Variants in DNAH14 observed in about 807,000 individuals in gnomAD.
DNAH14 encodes dynein axonemal heavy chain 14, also known as axonemal beta dynein heavy chain 14.
DNAH14 carries 478 observed loss-of-function variants against 520.9 expected under a neutral mutation model. That is an observed-to-expected ratio of 0.92 (90% CI 0.85 to 0.99). DNAH14 has a LOEUF of 0.99. Ranked by LOEUF, DNAH14 falls within the 50% of genes least tolerant of loss-of-function variation. The pLI is 0.00. For synonymous variants in DNAH14, 1,581 were observed against 1,757.2 expected (o/e 0.90, Z 2.51); for missense variants, 4,831 against 5,234.5 (o/e 0.92, Z 2.38).
chr1:225,070,180 GA>G (rs2071397254), intron 17 of DNAH14, among the ~76,000 whole-genome samples: 13 of 151,926 alleles, frequency 8.6e-5, no homozygotes, highest in Admixed American at 3.3e-4. Flanking sequence ...TTGGTCTTTT[GA>G]ATGGTTTTTC....
intron 15 of DNAH14, among the ~76,000 whole-genome samples, chr1:225,046,120 T>C (rs1259146431): frequency 6.6e-6 from 1 of 151,368 alleles, no homozygotes; most frequent in African/African-American, 2.4e-5. Flanking sequence ...TGTATATATG[T>C]ATATAAATAT....
At chr1:225,278,974 GT>G (rs997746720) in intron 54 of DNAH14, among the ~76,000 whole-genome samples, 37 of 151,940 alleles carry the variant, frequency 2.4e-4, no homozygotes, top group African/African-American at 8.7e-4. Context: ...TACTGTTGGG[GT>G]TTTTTTGTTT....
intron 37 of DNAH14, among the ~76,000 whole-genome samples, chr1:225,186,561 G>A (rs190414969): frequency 9.9e-4 from 150 of 151,858 alleles, no homozygotes; most frequent in Non-Finnish European, 1.6e-3. Flanking sequence ...AAAATAAAAT[G>A]TGAAGAAATA....
chr1:224,978,620 T>A (rs1456247622), intron 8 of DNAH14, among the ~76,000 whole-genome samples: 7 of 152,134 alleles, frequency 4.6e-5, no homozygotes, highest in African/African-American at 7.2e-5. Context: ...TTTCAAATAG[T>A]TAGAAGATTT....
At chr1:225,334,956 C>T (rs185497860) in intron 66 of DNAH14, among the ~76,000 whole-genome samples, 2 of 147,888 alleles carry the variant, frequency 1.4e-5, no homozygotes, top group East Asian at 2.0e-4. Context: ...GTAGAGACCT[C>T]AAGCAATCCT....
intron 23 of DNAH14, among the ~76,000 whole-genome samples, chr1:225,108,484 T>C (rs1164056721): frequency 6.6e-6 from 1 of 152,194 alleles, no homozygotes; most frequent in Admixed American, 6.5e-5. Flanking sequence ...CTGGTTGCCA[T>C]TTGTATGTCT....
chr1:225,393,041 G>C (rs1447557696), intron 84 of DNAH14, among the ~76,000 whole-genome samples: 1 of 152,198 alleles, frequency 6.6e-6, no homozygotes, highest in East Asian at 1.9e-4. Flanking sequence ...ATTCCAATTT[G>C]TTCTGGGAAT....
intron 66 of DNAH14, among the ~76,000 whole-genome samples, chr1:225,336,026 T>A (rs554231749): frequency 1.7e-5 from 2 of 118,262 alleles, no homozygotes; most frequent in African/African-American, 3.6e-5. Flanking sequence ...TATGCATATA[T>A]GTATATACAC....
intron 37 of DNAH14, among the ~76,000 whole-genome samples, chr1:225,186,610 C>T (rs149059705): frequency 2.8e-3 from 418 of 151,202 alleles, no homozygotes; most frequent in Middle Eastern, 0.027. Context: ...AATGTGAAAA[C>T]GTATTACTGT....
At chr1:225,360,371 T>C (rs985913596) in intron 74 of DNAH14, among the ~76,000 whole-genome samples, 1 of 152,204 alleles carries the variant, frequency 6.6e-6, no homozygotes, top group Admixed American at 6.5e-5. Flanking sequence ...AAAAATGTAG[T>C]ATTTTAGCTG....
rs527337408 is a variant in DNAH14, at chr1:225,391,469, C to G, written c.13331-822C>G. On this transcript the variant is annotated intron_variant, in intron 83 of 85. Coordinates refer to ENST00000682510, the MANE Select transcript of DNAH14 (RefSeq NM_001367479.1). The stretch of plus-strand genomic sequence containing the variant: ...CCTGGGCAACAGAGCAAGACCCTGT[C>G]TTATCAATAAATAAATAAAATAAGG... Among the ~76,000 whole-genome samples the G allele has an allele frequency of 2.6e-5, 4 of 152,222 alleles. No individual in the cohort carries two copies. The East Asian group carries it at 7.7e-4, about 29-fold the overall frequency.
intron 6 of DNAH14, 140 bp downstream of exon 6, chr1:224,967,723 C>T (rs1335581482): frequency 6.4e-7 from 1 of 1,568,498 alleles, no homozygotes; most frequent in Admixed American, 1.9e-5. Context: ...TAAGAATCTC[C>T]TTGGGAGCAT....
At chr1:225,136,687 A>G (rs1352460128) in intron 27 of DNAH14, among the ~76,000 whole-genome samples, 1 of 152,096 alleles carries the variant, frequency 6.6e-6, no homozygotes, top group Non-Finnish European at 1.5e-5. Flanking sequence ...CTGAATTTGA[A>G]TGTTGGCCTG....
chr1:225,088,865 G>A (rs544917621), intron 21 of DNAH14, among the ~76,000 whole-genome samples: 41 of 152,128 alleles, frequency 2.7e-4, no homozygotes, highest in African/African-American at 9.2e-4. Flanking sequence ...CTTAAAATAC[G>A]CAAATTACTA....
At chr1:225,103,384 G>C (rs1314359055) in intron 23 of DNAH14, among the ~76,000 whole-genome samples, 2 of 152,120 alleles carry the variant, frequency 1.3e-5, no homozygotes, top group Non-Finnish European at 2.9e-5. Flanking sequence ...CTCTTTTTTG[G>C]TTCCATATGA....
chr1:225,362,607 C>G lies in DNAH14; in HGVS notation c.11987+1716C>G, dbSNP rs185465132. On this transcript the variant is annotated intron_variant, in intron 75 of 85. Coordinates refer to ENST00000682510, the MANE Select transcript of DNAH14 (RefSeq NM_001367479.1). ...AAAAAAAATGCTCAGCATCACTAAT[C>G]ATTAGGGAAATGCAAACTAAAACCA... Among the ~76,000 whole-genome samples the G allele has an allele frequency of 3.2e-4, 48 of 148,788 alleles. No individual in the cohort carries two copies. The East Asian group carries it at 3.3e-3, about 10-fold the overall frequency.
rs76811069 is a variant in DNAH14, at chr1:225,377,444, C to A, written c.12716+8C>A. ...TGCCAACCTCATGATCAGGTAAGAA[C>A]TCGCTAGGAAAAATTGTTGGTCAAA... is the stretch of plus-strand genomic sequence containing the variant. On this transcript the variant is annotated splice_region_variant and intron_variant, in intron 79 of 85. Transcript: ENST00000682510. 5 of 1,536,354 alleles carry A rather than the reference C, an allele frequency of 3.3e-6. No individual in the cohort carries two copies. The highest frequency in any genetic ancestry group is 4.4e-6 in the Non-Finnish European group (5 of 1,139,508).
intron 8 of DNAH14, among the ~76,000 whole-genome samples, chr1:224,995,743 C>T (rs1361935407): frequency 2.0e-5 from 3 of 151,526 alleles, no homozygotes; most frequent in East Asian, 3.9e-4. Flanking sequence ...ATTCTTTTCC[C>T]TTTGCTTTTC....
chr1:225,161,228 T>C lies in DNAH14; in HGVS notation c.5445+1743T>C, dbSNP rs116040229. Among the ~76,000 whole-genome samples the C allele has an allele frequency of 6.0e-3, 920 of 152,270 alleles. 10 individuals are homozygous for C. Among genetic ancestry groups the C allele is most frequent in the African/African-American group, 0.021 (870 of 41,552 alleles). On this transcript the variant is annotated intron_variant, in intron 35 of 85. Transcript: ENST00000682510. ...CTACTCTGTGTCTCCGTAAGTTTAA[T>C]TGTTTTTATGTTTAGGTTGCACAGA... is the stretch of plus-strand genomic sequence containing the variant.
Sources: gnomAD v4.1 joint callset for allele counts (sites outside exome capture counted in the v4.1 genomes callset) on GRCh38, gnomAD v4.1.1 for gene constraint, MANE v1.5 for transcripts, NCBI Gene and HGNC (gene_info 2026-07-23, HGNC 2026-07-21) for gene names.